The following NINJ2 variants were observed in gnomAD, a reference collection of about 807,000 sequenced individuals.
The protein encoded by NINJ2 is ninjurin 2.
Under a neutral mutation model 11.7 loss-of-function variants are expected in NINJ2, and 12 were observed. The observed-to-expected ratio is 1.02, with a 90% confidence interval of 0.66 to 1.66. The LOEUF (loss-of-function observed/expected upper bound fraction) is 1.66. Among genes scored for constraint, NINJ2 ranks in the 40% most tolerant of loss-of-function variants. The pLI is 0.00. For missense variants in NINJ2, 187 were observed against 181.8 expected (o/e 1.03, Z -0.16); for synonymous variants, 93 against 76.8 (o/e 1.21, Z -1.10).
chr12:623,496 T>C (rs1252321260), intron 1 of NINJ2, among the ~76,000 whole-genome samples: 2 of 152,226 alleles, frequency 1.3e-5, no homozygotes, highest in Non-Finnish European at 2.9e-5. Context: ...CACTCAAAAC[T>C]TCACTTTTCT....
rs773728363 is a variant in NINJ2, at chr12:591,621, G to A, written c.34-25443C>T. ...AGCAGGGGCCTTTTGGCTGAGCTCC[G>A]AGTCCCTGGAGGGACAGTGTCTGCT... is the stretch of plus-strand genomic sequence containing the variant. On this transcript the variant is annotated intron_variant, in intron 1 of 3. Transcript: ENST00000305108. This position sits in a 1 kb window ranked among gnomAD's most constrained non-coding sequence, Gnocchi z 5.0. Among the ~76,000 whole-genome samples the A allele has an allele frequency of 3.6e-4, 55 of 152,060 alleles. No homozygotes were observed. The highest frequency in any genetic ancestry group is 6.3e-4 in the Non-Finnish European group (43 of 67,986).
chr12:644,065 A>G (rs1937635049), intron 1 of NINJ2: 1 of 154,868 alleles, frequency 6.5e-6, no homozygotes, highest in Non-Finnish European at 1.5e-5. Flanking sequence ...TCCCAGGAAC[A>G]CCATTGAGTA....
rs542789946 is a variant in NINJ2 at position 633,844 on chromosome 12, G to T, written c.33+29484C>A. On this transcript the variant is annotated intron_variant, in intron 1 of 3. Coordinates refer to ENST00000305108, the MANE Select transcript of NINJ2 (RefSeq NM_016533.6). The surrounding 1 kb of genome is among the most constrained non-coding windows in gnomAD (Gnocchi z 4.3). ...ACAAACCACTTTAGAGTTTTCCACT[G>T]TCTGCTAAATCAAGTACACATTCCT... is the stretch of plus-strand genomic sequence containing the variant. Among the ~76,000 whole-genome samples the T allele has an allele frequency of 6.6e-6, 1 of 152,202 alleles. No individual in the cohort carries two copies. The highest frequency in any genetic ancestry group is 2.4e-5 in the African/African-American group (1 of 41,530).
intron 1 of NINJ2, among the ~76,000 whole-genome samples, chr12:658,792 GT>G (rs1267206945): frequency 6.6e-6 from 1 of 152,034 alleles, no homozygotes; most frequent in Non-Finnish European, 1.5e-5. Context: ...CGCATAGAAT[GT>G]TTAACACCAA....
chr12:615,211 A>T (rs1315898131), intron 1 of NINJ2, among the ~76,000 whole-genome samples: 2 of 152,246 alleles, frequency 1.3e-5, no homozygotes, highest in Non-Finnish European at 2.9e-5. Flanking sequence ...TCAGGGTGCT[A>T]AATGAGAACA....
At chr12:572,493 A>C (rs561507805) in intron 1 of NINJ2, among the ~76,000 whole-genome samples, 2 of 152,330 alleles carry the variant, frequency 1.3e-5, no homozygotes, top group Admixed American at 1.3e-4. Flanking sequence ...CAGCCTGGGA[A>C]GAGTGATTCG....
chr12:629,037 A>G (rs1333361479), intron 1 of NINJ2, among the ~76,000 whole-genome samples: 5 of 152,170 alleles, frequency 3.3e-5, no homozygotes, highest in Non-Finnish European at 7.3e-5. Flanking sequence ...TGCTTTGCCT[A>G]TAGAGTAGCC....
Position 640,677 on chromosome 12 carries a change from T to C in NINJ2, c.33+22651A>G, listed in dbSNP as rs1948406890. On this transcript the variant is annotated intron_variant, in intron 1 of 3. Coordinates refer to ENST00000305108, the MANE Select transcript of NINJ2 (RefSeq NM_016533.6). The surrounding 1 kb of genome is among the most constrained non-coding windows in gnomAD (Gnocchi z 4.0). Reference sequence around the variant, plus strand: ...GTAGGGCTAATATCTGTATTTTTAGTAGAGACCCTGTCTCTTCACTATGTC... The same window carrying C: ...GTAGGGCTAATATCTGTATTTTTAGCAGAGACCCTGTCTCTTCACTATGTC... Among the ~76,000 whole-genome samples, 1 of 152,140 alleles carries C rather than the reference T, an allele frequency of 6.6e-6. No individual in the cohort carries two copies. Among genetic ancestry groups the C allele is most frequent in the Admixed American group, 6.6e-5 (1 of 15,260 alleles).
At chr12:612,395 C>T (rs1453105412) in intron 1 of NINJ2, among the ~76,000 whole-genome samples, 1 of 152,130 alleles carries the variant, frequency 6.6e-6, no homozygotes, top group African/African-American at 2.4e-5. Flanking sequence ...ACATTATATC[C>T]GGTCCAGGAA....
rs200290771 is a variant in NINJ2 at position 625,102 on chromosome 12, CAAAAAAAAA to C, written c.33+38217_33+38225del. Among the ~76,000 whole-genome samples, 630 of 93,568 alleles carry C rather than the reference CAAAAAAAAA, an allele frequency of 6.7e-3. 27 individuals carry two copies. The East Asian group carries it at 0.14, about 20-fold the overall frequency. The allele number at this position is 93,568 out of a possible 152,430, so 61.4% of individuals were successfully genotyped here. A position where few individuals can be genotyped will look rare whatever the true frequency, so the allele number is the denominator to read the frequency against. On this transcript the variant is annotated intron_variant, in intron 1 of 3. Transcript: ENST00000305108. ...GGGCAACAAGAGAGAGACTTCATCT[CAAAAAAAAA>C]AAAAAAAAAGATATATATATAGATA...
intron 1 of NINJ2, among the ~76,000 whole-genome samples, chr12:634,811 C>T (rs765640769): frequency 1.3e-5 from 2 of 152,164 alleles, no homozygotes; most frequent in Non-Finnish European, 2.9e-5. Flanking sequence ...ACCCAGGGCA[C>T]CATAACATTA....
At chr12:660,064 C>A (rs11064122) in intron 1 of NINJ2, among the ~76,000 whole-genome samples, 32,995 of 151,776 alleles carry the variant, frequency 0.22, 3,677 homozygotes, top group South Asian at 0.27. Flanking sequence ...ACAGGAAGAT[C>A]ACTTGAGACC....
intron 1 of NINJ2, among the ~76,000 whole-genome samples, chr12:588,216 G>GGGAA (rs1947670396): frequency 1.7e-5 from 2 of 116,548 alleles, no homozygotes; most frequent in African/African-American, 5.7e-5. Context: ...AAGGGACGGA[G>GGGAA]GGGACGGAAG....
At chr12:663,232 G>GGGA (rs1441024595) in intron 1 of NINJ2, 96 bp downstream of exon 1, 5 of 1,101,480 alleles carry the variant, frequency 4.5e-6, no homozygotes, top group Non-Finnish European at 6.7e-6. Flanking sequence ...AGAACGGGGA[G>GGGA]GGAGAATATC....
intron 1 of NINJ2, among the ~76,000 whole-genome samples, chr12:660,943 A>AGAGT (rs986296399): frequency 6.6e-6 from 1 of 152,218 alleles, no homozygotes; most frequent in African/African-American, 2.4e-5. Context: ...CCTAGGCGAC[A>AGAGT]GAGTGAGACT....
chr12:646,888 C>A (rs773780034), intron 1 of NINJ2, among the ~76,000 whole-genome samples: 5 of 152,046 alleles, frequency 3.3e-5, no homozygotes, highest in Non-Finnish European at 7.4e-5. Flanking sequence ...AGGGAGTTCA[C>A]CTCTGGAGAG....
chr12:662,623 C>T (rs1469481655), intron 1 of NINJ2, among the ~76,000 whole-genome samples: 2 of 152,146 alleles, frequency 1.3e-5, no homozygotes, highest in East Asian at 1.9e-4. Context: ...TAGAAGGGTT[C>T]GTTCTATTCT....
chr12:616,962 T>G (rs1948098513), intron 1 of NINJ2, among the ~76,000 whole-genome samples: 1 of 152,204 alleles, frequency 6.6e-6, no homozygotes, highest in Non-Finnish European at 1.5e-5. Context: ...TCCCAGCACT[T>G]TGGGAGGCCA....
chr12:624,683 C>A (rs1423893748), intron 1 of NINJ2, among the ~76,000 whole-genome samples: 2 of 151,426 alleles, frequency 1.3e-5, no homozygotes, highest in Non-Finnish European at 2.9e-5. Context: ...GTGGCATGTG[C>A]CTGTAATCTC....
Sources: allele counts gnomAD v4.1 joint callset (sites outside exome capture counted in the v4.1 genomes callset), GRCh38; gene constraint gnomAD v4.1.1; non-coding constraint Gnocchi (gnomAD v3.1); transcripts MANE v1.5; gene names NCBI Gene and HGNC (gene_info 2026-07-23, HGNC 2026-07-21).